The following RPS6KC1 variants were observed in gnomAD, a reference collection of about 807,000 sequenced individuals.
RPS6KC1 encodes the protein ribosomal protein S6 kinase C1.
A neutral mutation model predicts 103.8 loss-of-function variants in RPS6KC1; 54 were observed. The ratio of observed to expected loss-of-function variants is 0.52; its 90% confidence interval spans 0.42 to 0.65. The LOEUF (loss-of-function observed/expected upper bound fraction) is 0.65, where lower values mean the gene tolerates loss of function less well. Among genes scored for constraint, RPS6KC1 ranks in the 30% least tolerant of loss-of-function variants. The pLI is 0.00. For missense variants in RPS6KC1, 1,151 were observed against 1,253.8 expected (o/e 0.92, Z 1.24); for synonymous variants, 439 against 438.7 (o/e 1.00, Z -0.01).
chr1:213,622,222 G>T, the RPS6KC1 span, among the ~76,000 whole-genome samples: 1 of 137,770 alleles, frequency 7.3e-6, no homozygotes, highest in African/African-American at 2.7e-5. Flanking sequence ...CCCTGCTCGG[G>T]GACAAGTAAT....
chr1:213,232,195 T>C lies in RPS6KC1; in HGVS notation c.1165T>C (p.Cys389Arg). The C allele has an allele frequency of 1.2e-6, 2 of 1,614,078 alleles. No individual in the cohort carries two copies. Among genetic ancestry groups the C allele is most frequent in the East Asian group, 2.2e-5 (1 of 44,886 alleles). ...IIPRCVPNMV[C>R]LHKYIISEES... ...CCCCCGCTGTGTGCCCAACATGGTG[T>C]GTCTGCATAAGTACATCATCTCTGA... Residue 389 changes from cysteine to arginine, a missense_variant, in exon 10 of 15, where the codon TGT (cysteine) becomes CGT (arginine). Cys to Arg is a radical substitution (Grantham distance 180, BLOSUM62 -3). Around this residue, in one of 3 missense-constraint regions of RPS6KC1, gnomAD observed 959 missense variants for 1,006.3 expected, o/e 0.95. Transcript: ENST00000366960.
intron 6 of RPS6KC1, among the ~76,000 whole-genome samples, chr1:213,136,302 A>G (rs2086259245): frequency 6.6e-6 from 1 of 152,168 alleles, no homozygotes; most frequent in African/African-American, 2.4e-5. Flanking sequence ...CATGCGTCAC[A>G]TAGCTTTCAC....
the RPS6KC1 span, among the ~76,000 whole-genome samples, chr1:213,491,980 T>G: frequency 2.0e-5 from 3 of 152,164 alleles, no homozygotes; most frequent in Non-Finnish European, 4.4e-5. Flanking sequence ...CTGCCCAGCC[T>G]GCCACCGCTG....
At chr1:213,139,063 G>A (rs1171344272) in intron 6 of RPS6KC1, among the ~76,000 whole-genome samples, 2 of 151,834 alleles carry the variant, frequency 1.3e-5, no homozygotes, top group African/African-American at 4.9e-5. Flanking sequence ...GGTATGAGAT[G>A]CTGTCTCATT....
intron 10 of RPS6KC1, among the ~76,000 whole-genome samples, chr1:213,233,374 T>G (rs1229316049): frequency 6.6e-6 from 1 of 152,166 alleles, no homozygotes; most frequent in East Asian, 1.9e-4. Flanking sequence ...TTACAGACAT[T>G]ATTGAATTAG....
chr1:213,752,869 T>A, the RPS6KC1 span, among the ~76,000 whole-genome samples: 3 of 152,170 alleles, frequency 2.0e-5, no homozygotes, highest in African/African-American at 7.2e-5. Context: ...TGCTATGTTA[T>A]AATCCACTTC....
chr1:213,374,191 T>C, the RPS6KC1 span, among the ~76,000 whole-genome samples: 165 of 152,344 alleles, frequency 1.1e-3, 1 homozygote, highest in African/African-American at 3.9e-3. Flanking sequence ...CTATGGTTGA[T>C]AGTAAATGCT....
intron 1 of RPS6KC1, among the ~76,000 whole-genome samples, chr1:213,068,483 CAAAAAAAAAAAAAA>C (rs71147057): frequency 1.6e-4 from 6 of 36,364 alleles, no homozygotes; most frequent in African/African-American, 3.4e-4. Flanking sequence ...GACTCTGTCT[CAAAAAAAAAAAAAA>C]AAAAAAAAAA....
intron 6 of RPS6KC1, among the ~76,000 whole-genome samples, chr1:213,134,309 T>C (rs868837413): frequency 1.3e-5 from 2 of 152,166 alleles, no homozygotes; most frequent in Middle Eastern, 3.4e-3. Flanking sequence ...TCTCACTCTT[T>C]TTCTTTTCTT....
the RPS6KC1 span, among the ~76,000 whole-genome samples, chr1:213,562,314 T>C: frequency 6.6e-6 from 1 of 151,254 alleles, no homozygotes; most frequent in Non-Finnish European, 1.5e-5. Flanking sequence ...GTGCTTTATG[T>C]GTGCTTAAAA....
the RPS6KC1 span, among the ~76,000 whole-genome samples, chr1:213,801,115 C>A: frequency 6.6e-6 from 1 of 152,184 alleles, no homozygotes; most frequent in Non-Finnish European, 1.5e-5. Context: ...TCTTCATCAC[C>A]TGGCTTTTCT....
chr1:213,761,156 C>A, the RPS6KC1 span, among the ~76,000 whole-genome samples: 2 of 152,084 alleles, frequency 1.3e-5, no homozygotes, highest in East Asian at 3.9e-4. Context: ...CAAGCAAAAA[C>A]CTGGCATCCC....
At chr1:213,545,433 A>AATAAAAG in the RPS6KC1 span, among the ~76,000 whole-genome samples, 2 of 52,958 alleles carry the variant, frequency 3.8e-5, no homozygotes, top group African/African-American at 7.2e-5. Flanking sequence ...AATAAAATAA[A>AATAAAAG]AGAGAGAGAG....
the RPS6KC1 span, among the ~76,000 whole-genome samples, chr1:213,862,165 G>A: frequency 6.6e-6 from 1 of 152,168 alleles, no homozygotes; most frequent in Admixed American, 6.5e-5. Flanking sequence ...CACATGCTAC[G>A]TAGTCCTAAT....
the RPS6KC1 span, among the ~76,000 whole-genome samples, chr1:213,756,755 T>C: frequency 1.3e-5 from 2 of 152,158 alleles, no homozygotes; most frequent in Admixed American, 6.5e-5. Context: ...TATTTGGGAC[T>C]ACAGGCACAC....
At chr1:213,087,982 C>T (rs1050705768) in intron 3 of RPS6KC1, among the ~76,000 whole-genome samples, 1 of 152,146 alleles carries the variant, frequency 6.6e-6, no homozygotes, top group African/African-American at 2.4e-5. Flanking sequence ...TAGCCTTGGT[C>T]TGCTTTAACC....
chr1:213,645,249 T>G, the RPS6KC1 span, among the ~76,000 whole-genome samples: 1 of 152,094 alleles, frequency 6.6e-6, no homozygotes, highest in Non-Finnish European at 1.5e-5. Context: ...TTTGGGTTTT[T>G]TTTGTTTTTG....
At chr1:213,738,927 G>GT in the RPS6KC1 span, among the ~76,000 whole-genome samples, 2,220 of 143,136 alleles carry the variant, frequency 0.016, 38 homozygotes, top group East Asian at 0.093. Flanking sequence ...TCTAAGGAAG[G>GT]TTTTTTTTTT....
chr1:213,359,840 T>A, the RPS6KC1 span, among the ~76,000 whole-genome samples: 1 of 152,208 alleles, frequency 6.6e-6, no homozygotes, highest in South Asian at 2.1e-4. Context: ...GGATATGAAA[T>A]TCTGGGTTGA....
Sources: gnomAD v4.1 joint callset for allele counts (sites outside exome capture counted in the v4.1 genomes callset) on GRCh38, gnomAD v4.1.1 for gene constraint, gnomAD v4.1.1 regional missense constraint, MANE v1.5 for transcripts, NCBI Gene and HGNC (gene_info 2026-07-23, HGNC 2026-07-21) for gene names.